CPM: variants seen among roughly 807,000 people sequenced by gnomAD.
CPM encodes the protein carboxypeptidase M, also known as renal carboxypeptidase.
In CPM, 35 loss-of-function variants were observed where a neutral mutation model predicts 46.4. That is an observed-to-expected ratio of 0.75 (90% CI 0.58 to 1.00). The LOEUF (loss-of-function observed/expected upper bound fraction) is 1.00, where lower values mean the gene tolerates loss of function less well. Ranked by LOEUF, CPM falls within the 50% of genes least tolerant of loss-of-function variation. CPM has a pLI of 0.00. For missense variants in CPM, 422 were observed against 530.4 expected (o/e 0.80, Z 2.01); for synonymous variants, 195 against 195.3 (o/e 1.00, Z 0.01).
intron 7 of CPM, 185 bp downstream of exon 7, chr12:68,866,711 T>C (rs762751743): frequency 2.3e-5 from 13 of 557,194 alleles, no homozygotes; most frequent in Non-Finnish European, 3.8e-5. Context: ...TATGAATGAG[T>C]GGGCACTGCA....
intron 3 of CPM, among the ~76,000 whole-genome samples, chr12:68,884,265 T>C (rs892187760): frequency 2.0e-5 from 3 of 152,108 alleles, no homozygotes; most frequent in Non-Finnish European, 2.9e-5. Flanking sequence ...CCTTGCAACG[T>C]AGTCTTTTTT....
chr12:68,907,398 GC>G (rs1393540518), intron 2 of CPM, among the ~76,000 whole-genome samples: 1 of 152,138 alleles, frequency 6.6e-6, no homozygotes, highest in Admixed American at 6.5e-5. Context: ...ACTCTCTGGA[GC>G]CTCAGTTTCC....
chr12:68,866,412 G>A (rs577215189), intron 7 of CPM, among the ~76,000 whole-genome samples: 1 of 152,212 alleles, frequency 6.6e-6, no homozygotes, highest in South Asian at 2.1e-4. Flanking sequence ...TGGCTCCTTG[G>A]CGGAGGGAGC....
chr12:68,894,162 A>G (rs767689908), intron 2 of CPM, among the ~76,000 whole-genome samples: 1 of 152,050 alleles, frequency 6.6e-6, no homozygotes, highest in Non-Finnish European at 1.5e-5. Context: ...TTTCTTCACA[A>G]CTTTTTCACT....
chr12:68,882,244 C>A (rs1037066523), intron 3 of CPM, among the ~76,000 whole-genome samples: 1 of 152,056 alleles, frequency 6.6e-6, no homozygotes, highest in African/African-American at 2.4e-5. Flanking sequence ...TCCTCCCACC[C>A]TCCATCCTCA....
chr12:68,923,213 G>GTGTT (rs1325481491), intron 2 of CPM, among the ~76,000 whole-genome samples: 1 of 134,092 alleles, frequency 7.5e-6, no homozygotes, highest in African/African-American at 2.8e-5. Flanking sequence ...GTGTGTGTGT[G>GTGTT]TTTTGAGTAA....
At chr12:68,923,158 AGAGTGTGTGTGT>A (rs1362386290) in intron 2 of CPM, among the ~76,000 whole-genome samples, 2,664 of 131,856 alleles carry the variant, frequency 0.02, 83 homozygotes, top group African/African-American at 0.062. Flanking sequence ...TATTTGATAT[AGAGTGTGTGTGT>A]GTGTGTGTGT....
intron 2 of CPM, among the ~76,000 whole-genome samples, chr12:68,886,351 G>T (rs1333040443): frequency 2.0e-5 from 3 of 151,740 alleles, no homozygotes; most frequent in Admixed American, 2.0e-4. Context: ...AGTAACTCAG[G>T]GCCAGGCACG....
intron 2 of CPM, among the ~76,000 whole-genome samples, chr12:68,904,298 G>A (rs1010680875): frequency 5.3e-5 from 8 of 152,142 alleles, no homozygotes; most frequent in South Asian, 2.1e-4. Flanking sequence ...AACAGATACC[G>A]TCTCATAATG....
chr12:68,845,842 C>T (rs115723387), intron 5 of CPM: 2,710 of 152,516 alleles, frequency 0.018, 73 homozygotes, highest in African/African-American at 0.06. Flanking sequence ...TGACTCACTA[C>T]AGCCTCAACC....
At chr12:68,949,353 G>A (rs982466897) in intron 1 of CPM, among the ~76,000 whole-genome samples, 2 of 152,256 alleles carry the variant, frequency 1.3e-5, no homozygotes, top group East Asian at 1.9e-4. Flanking sequence ...TCTAAGCAAC[G>A]GAGCAAAACC....
At chr12:68,948,832 C>T (rs1471763582) in intron 1 of CPM, among the ~76,000 whole-genome samples, 1 of 152,150 alleles carries the variant, frequency 6.6e-6, no homozygotes, top group Non-Finnish European at 1.5e-5. Context: ...GCCACACAAC[C>T]CAGTAAGCAT....
Position 68,932,767 on chromosome 12 carries a change from C to A in CPM, c.71G>T (p.Arg24Leu), listed in dbSNP as rs7978197. Residue 24 changes from arginine (R) to leucine (L), a missense_variant, in exon 2 of 9, where the codon CGC (arginine) becomes CTC (leucine). By Grantham distance (102) the Arg-to-Leu change is moderately radical (BLOSUM62 -2). Transcript: ENST00000551568. ...CAAAAACGCTTCCATCCCTTCCTGGCGGTGGTAGTTGAAATCCAGCGCAGC... is the reference window on the plus strand; with the variant it reads ...CAAAAACGCTTCCATCCCTTCCTGGAGGTGGTAGTTGAAATCCAGCGCAGC... ...LVAALDFNYH[R>L]QEGMEAFLKT... The A allele has an allele frequency of 1.2e-6, 2 of 1,614,022 alleles. No homozygotes were observed. Among genetic ancestry groups the A allele is most frequent in the East Asian group, 2.2e-5 (1 of 44,884 alleles).
At chr12:68,947,318 C>T (rs765504666) in intron 1 of CPM, among the ~76,000 whole-genome samples, 8 of 152,108 alleles carry the variant, frequency 5.3e-5, no homozygotes, top group East Asian at 1.9e-4. Flanking sequence ...ATTTTGAGGC[C>T]GGGTGCAATG....
chr12:68,939,233 C>T (rs1307018855), intron 1 of CPM, among the ~76,000 whole-genome samples: 3 of 145,604 alleles, frequency 2.1e-5, no homozygotes, highest in African/African-American at 7.5e-5. Flanking sequence ...TACATATAGA[C>T]ATCATATATG....
In CPM at chr12:68,950,912, T is replaced by C. The variant is rs546196024; in HGVS notation, c.-4+12257A>G. ...TTCATGTCCATCTTTCCTTGCCAACTACCTTCCCTGCAGACTGCAGACCCA... is the reference window on the plus strand; with the variant it reads ...TTCATGTCCATCTTTCCTTGCCAACCACCTTCCCTGCAGACTGCAGACCCA... On this transcript the variant is annotated intron_variant, in intron 1 of 8. Coordinates refer to the CPM transcript ENST00000546373. Among the ~76,000 whole-genome samples the C allele has an allele frequency of 3.3e-5, 5 of 152,310 alleles. No individual in the cohort carries two copies. In the East Asian group the frequency reaches 9.6e-4, roughly 29 times the overall value.
chr12:68,931,763 A>AAAAAAGAAAGAAAGAAAG (rs1482981614), intron 2 of CPM, among the ~76,000 whole-genome samples: 1 of 132,506 alleles, frequency 7.5e-6, no homozygotes, highest in African/African-American at 3.1e-5. Flanking sequence ...AAAAAAAAAA[A>AAAAAAGAAAGAAAGAAAG]AAAGAAAGAA....
chr12:68,901,911 G>A (rs1387926161), intron 2 of CPM, among the ~76,000 whole-genome samples: 1 of 152,146 alleles, frequency 6.6e-6, no homozygotes, highest in Non-Finnish European at 1.5e-5. Context: ...GGATGGCACA[G>A]GAGCTGGGAA....
intron 2 of CPM, among the ~76,000 whole-genome samples, chr12:68,923,028 A>G (rs2136309328): frequency 6.6e-6 from 1 of 152,230 alleles, no homozygotes; most frequent in South Asian, 2.1e-4. Context: ...CCTGGGTTCA[A>G]GTGATTCTCC....
Sources: allele counts gnomAD v4.1 joint callset (sites outside exome capture counted in the v4.1 genomes callset), GRCh38; gene constraint gnomAD v4.1.1; transcripts MANE v1.5; gene names NCBI Gene and HGNC (gene_info 2026-07-23, HGNC 2026-07-21).